The following DSCAM variants were observed in gnomAD, a reference collection of about 807,000 sequenced individuals.
The protein encoded by DSCAM is DS cell adhesion molecule, also known as cell adhesion molecule DSCAM.
DSCAM carries 47 observed loss-of-function variants against 217.7 expected under a neutral mutation model. The ratio of observed to expected loss-of-function variants is 0.22; its 90% CI spans 0.17 to 0.28. The LOEUF is 0.28. Among genes scored for constraint, DSCAM ranks in the 10% least tolerant of loss-of-function variants. The probability of loss-of-function intolerance (pLI) is 1.00; values close to 1 mark genes in which losing one functional copy is unlikely to be tolerated. For synonymous variants in DSCAM, 1,056 were observed against 1,015.3 expected (o/e 1.04, Z -0.76); for missense variants, 2,080 against 2,618.3 (o/e 0.79, Z 4.49).
intron 11 of DSCAM, among the ~76,000 whole-genome samples, chr21:40,267,776 A>C (rs2073559757): frequency 6.6e-6 from 1 of 152,118 alleles, no homozygotes; most frequent in African/African-American, 2.4e-5. Flanking sequence ...GGTGCCTGTA[A>C]GTCCAGCTAC....
chr21:40,476,788 T>C (rs780156970), intron 3 of DSCAM, among the ~76,000 whole-genome samples: 1 of 152,138 alleles, frequency 6.6e-6, no homozygotes, highest in Non-Finnish European at 1.5e-5. Context: ...TGTTCCCTGC[T>C]AAGGCCTCAA....
intron 3 of DSCAM, among the ~76,000 whole-genome samples, chr21:40,434,691 T>C (rs1050923539): frequency 6.6e-6 from 1 of 152,178 alleles, no homozygotes; most frequent in Non-Finnish European, 1.5e-5. Context: ...TGATATGCCC[T>C]GTGTATAATG....
In DSCAM at chr21:40,530,668, T is replaced by C. The variant is rs138823952; in HGVS notation, c.509-161423A>G. ...CTCTCACTTGGAAATCCCAGGACACTTCAGAATCCACCTATGGAATACCAA... is the reference window on the plus strand; with the variant it reads ...CTCTCACTTGGAAATCCCAGGACACCTCAGAATCCACCTATGGAATACCAA... On this transcript the variant is annotated intron_variant, in intron 3 of 32. Transcript: ENST00000400454. 2.0e-5 allele frequency among the ~76,000 whole-genome samples: 3 copies of C among 152,254 alleles called. No homozygotes were observed. In the East Asian group the frequency reaches 5.8e-4, roughly 29 times the overall value.
At chr21:40,794,174 C>T (rs2091671048) in intron 1 of DSCAM, among the ~76,000 whole-genome samples, 2 of 152,118 alleles carry the variant, frequency 1.3e-5, no homozygotes, top group African/African-American at 2.4e-5. Context: ...TCTTGAGCTG[C>T]ACACTCTTCG....
chr21:40,787,215 G>A (rs1235477656), intron 1 of DSCAM, among the ~76,000 whole-genome samples: 2 of 152,156 alleles, frequency 1.3e-5, no homozygotes, highest in Non-Finnish European at 2.9e-5. Context: ...TAAATGTGCG[G>A]GCTTGCATAC....
intron 27 of DSCAM, among the ~76,000 whole-genome samples, chr21:40,066,085 C>T (rs1415675240): frequency 1.3e-5 from 2 of 152,238 alleles, no homozygotes; most frequent in Non-Finnish European, 2.9e-5. Flanking sequence ...CTCCCATGCC[C>T]AGTAGGCAGG....
intron 27 of DSCAM, 74 bp from the exon 28 acceptor site, chr21:40,062,973 C>T: frequency 1.5e-6 from 2 of 1,363,326 alleles, no homozygotes; most frequent in South Asian, 1.4e-5. Context: ...ATGACAAATA[C>T]TCTACAGTCA....
intron 3 of DSCAM, among the ~76,000 whole-genome samples, chr21:40,558,271 C>T (rs999928088): frequency 1.3e-5 from 2 of 151,642 alleles, no homozygotes; most frequent in African/African-American, 4.8e-5. Flanking sequence ...ACGGTGAAAC[C>T]CCGTCTCTAC....
chr21:40,332,034 A>C (rs2074382921), intron 8 of DSCAM, among the ~76,000 whole-genome samples: 1 of 152,132 alleles, frequency 6.6e-6, no homozygotes, highest in African/African-American at 2.4e-5. Flanking sequence ...CGCTCCTCTC[A>C]GCCTCTCCAT....
At chr21:40,804,509 C>A (rs557760732) in intron 1 of DSCAM, among the ~76,000 whole-genome samples, 1 of 152,018 alleles carries the variant, frequency 6.6e-6, no homozygotes, top group Admixed American at 6.6e-5. Flanking sequence ...TGCCTGCTAG[C>A]CCCTATCTCC....
At chr21:40,834,963 T>C (rs1437602151) in intron 1 of DSCAM, among the ~76,000 whole-genome samples, 1 of 152,168 alleles carries the variant, frequency 6.6e-6, no homozygotes, top group Non-Finnish European at 1.5e-5. Context: ...ACTCATTGCA[T>C]AAACTTAACC....
intron 3 of DSCAM, among the ~76,000 whole-genome samples, chr21:40,620,627 G>A: frequency 6.6e-6 from 1 of 152,168 alleles, no homozygotes; most frequent in East Asian, 1.9e-4. Context: ...AATACCAAAT[G>A]ATGGTGAGAA....
chr21:40,357,390 C>G (rs2123661752), intron 4 of DSCAM, among the ~76,000 whole-genome samples: 1 of 152,302 alleles, frequency 6.6e-6, no homozygotes, highest in Non-Finnish European at 1.5e-5. Context: ...GGTTAGCTGT[C>G]TGCATCCATG....
At chr21:40,274,629 T>C (rs775706833) in intron 11 of DSCAM, among the ~76,000 whole-genome samples, 5 of 152,218 alleles carry the variant, frequency 3.3e-5, no homozygotes, top group African/African-American at 4.8e-5. Flanking sequence ...TTTTAAAAAT[T>C]ACCATTTCAG....
At chr21:40,371,360 C>T (rs1262676586) in intron 3 of DSCAM, among the ~76,000 whole-genome samples, 2 of 151,492 alleles carry the variant, frequency 1.3e-5, no homozygotes, top group African/African-American at 2.4e-5. Flanking sequence ...ATTTTGCATA[C>T]TTACATAATG....
At chr21:40,055,564 T>C (rs1235726861) in intron 29 of DSCAM, among the ~76,000 whole-genome samples, 161 bp downstream of exon 29, 2 of 152,234 alleles carry the variant, frequency 1.3e-5, no homozygotes, top group Non-Finnish European at 2.9e-5. Context: ...TTGCTGGTAC[T>C]GATTCTTCTT....
intron 15 of DSCAM, among the ~76,000 whole-genome samples, chr21:40,171,435 A>G (rs543728716): frequency 6.6e-6 from 1 of 152,284 alleles, no homozygotes; most frequent in South Asian, 2.1e-4. Context: ...CAGTTCTTGT[A>G]TCCAGGACAG....
chr21:40,774,578 A>G (rs764507220), intron 1 of DSCAM, among the ~76,000 whole-genome samples: 10 of 152,262 alleles, frequency 6.6e-5, no homozygotes, highest in Non-Finnish European at 1.2e-4. Context: ...GTTCATCTAA[A>G]TGAACCAACA....
At chr21:40,546,962 T>G (rs916703514) in intron 3 of DSCAM, among the ~76,000 whole-genome samples, 2 of 152,054 alleles carry the variant, frequency 1.3e-5, no homozygotes, top group African/African-American at 4.8e-5. Context: ...TACCCCCCAG[T>G]TATTGGGGGC....
Sources: allele counts gnomAD v4.1 joint callset (sites outside exome capture counted in the v4.1 genomes callset), GRCh38; gene constraint gnomAD v4.1.1; transcripts MANE v1.5; gene names NCBI Gene and HGNC (gene_info 2026-07-23, HGNC 2026-07-21).